The following C1orf141 variants were observed in gnomAD, a reference collection of about 807,000 sequenced individuals.
The protein encoded by C1orf141 is chromosome 1 open reading frame 141.
A neutral mutation model predicts 23.2 loss-of-function variants in C1orf141; 19 were observed. That is an observed-to-expected ratio of 0.82 (90% CI 0.57 to 1.20). C1orf141 has a LOEUF of 1.20. Ranked by LOEUF, C1orf141 falls within the 50% of genes most tolerant of loss-of-function variation. The pLI is 0.00. For synonymous variants in C1orf141, 153 were observed against 154.6 expected, an observed-to-expected ratio of 0.99 and a Z score of 0.08; for missense variants, 469 against 455.1, an observed-to-expected ratio of 1.03 and a Z score of -0.28.
At chr1:67,119,953 G>C (rs1309139617) in intron 4 of C1orf141, among the ~76,000 whole-genome samples, 1 of 152,166 alleles carries the variant, frequency 6.6e-6, no homozygotes, top group Non-Finnish European at 1.5e-5. Context: ...ATTTCAAAGG[G>C]TAAGACCCCT....
chr1:67,111,281 T>C (rs965860943), intron 5 of C1orf141, among the ~76,000 whole-genome samples: 1 of 152,106 alleles, frequency 6.6e-6, no homozygotes, highest in Non-Finnish European at 1.5e-5. Flanking sequence ...GATGTTTAAG[T>C]TTTACATGTA....
At chr1:67,097,979 C>T (rs1000897485) in intron 5 of C1orf141, among the ~76,000 whole-genome samples, 1 of 152,166 alleles carries the variant, frequency 6.6e-6, no homozygotes, top group African/African-American at 2.4e-5. Flanking sequence ...AAAATCACTC[C>T]TTTCCATTGC....
At chr1:67,106,024 T>C (rs565926746) in intron 5 of C1orf141, among the ~76,000 whole-genome samples, 4 of 152,300 alleles carry the variant, frequency 2.6e-5, no homozygotes, top group African/African-American at 9.6e-5. Flanking sequence ...GGTTAACCCC[T>C]AAACCATGCA....
intron 2 of C1orf141, among the ~76,000 whole-genome samples, chr1:67,130,821 A>G (rs1646502840): frequency 1.3e-5 from 2 of 152,228 alleles, no homozygotes; most frequent in South Asian, 4.1e-4. Context: ...ATATTTTGAA[A>G]CTAATACAAT....
intron 1 of C1orf141, among the ~76,000 whole-genome samples, chr1:67,131,536 C>T (rs1367103360): frequency 6.6e-6 from 1 of 152,200 alleles, no homozygotes; most frequent in Non-Finnish European, 1.5e-5. Context: ...AATACCCAAA[C>T]TCTTCAGATG....
chr1:67,120,353 T>G (rs926742022), intron 4 of C1orf141, among the ~76,000 whole-genome samples: 1 of 152,276 alleles, frequency 6.6e-6, no homozygotes, highest in East Asian at 1.9e-4. Flanking sequence ...AGTTGAGAGT[T>G]TGGACTTTAG....
chr1:67,138,582 C>T (rs555603569), upstream of C1orf141, among the ~76,000 whole-genome samples: 1 of 152,080 alleles, frequency 6.6e-6, no homozygotes, highest in Non-Finnish European at 1.5e-5. Flanking sequence ...ACATTCCCTT[C>T]CAAATTCAGT....
chr1:67,137,336 G>A (rs1400576728), upstream of C1orf141, among the ~76,000 whole-genome samples: 2 of 152,170 alleles, frequency 1.3e-5, no homozygotes, highest in Admixed American at 6.5e-5. Context: ...AATAACAAAT[G>A]TGGAGCTTTT....
chr1:67,113,862 A>G (rs1646132913), intron 5 of C1orf141: 3 of 409,792 alleles, frequency 7.3e-6, no homozygotes, highest in South Asian at 5.8e-5. Flanking sequence ...AAAAGGCTAG[A>G]TTGAATATTT....
intron 5 of C1orf141, among the ~76,000 whole-genome samples, chr1:67,112,272 C>T (rs10732838): frequency 0.78 from 119,072 of 152,128 alleles, 46,980 homozygotes; most frequent in East Asian, 0.91. Context: ...AAATTTAATA[C>T]GGAGTCTGGT....
chr1:67,118,235 C>T (rs1345350445), intron 4 of C1orf141, among the ~76,000 whole-genome samples: 1 of 152,062 alleles, frequency 6.6e-6, no homozygotes, highest in Admixed American at 6.6e-5. Flanking sequence ...CTACAAAGAT[C>T]CACCAATACT....
intron 3 of C1orf141, 99 bp downstream of exon 3, chr1:67,127,067 A>G (rs1570731256): frequency 1.1e-5 from 8 of 713,620 alleles, no homozygotes; most frequent in Non-Finnish European, 1.8e-5. Context: ...ATTAGTTTAT[A>G]TCATATTAAT....
At chr1:67,100,631 G>A (rs1388504729) in intron 5 of C1orf141, among the ~76,000 whole-genome samples, 2 of 152,032 alleles carry the variant, frequency 1.3e-5, no homozygotes, top group African/African-American at 4.8e-5. Flanking sequence ...ACCTCTCTTT[G>A]CTAAGGAATT....
At chr1:67,125,024 G>A (rs1329723830) in intron 4 of C1orf141, among the ~76,000 whole-genome samples, 3 of 152,104 alleles carry the variant, frequency 2.0e-5, no homozygotes, top group African/African-American at 7.2e-5. Context: ...AAATTTTATA[G>A]CATTATGCAA....
chr1:67,098,163 A>G (rs1002506016), intron 5 of C1orf141, among the ~76,000 whole-genome samples: 2 of 152,184 alleles, frequency 1.3e-5, no homozygotes, highest in African/African-American at 4.8e-5. Context: ...ACTTCTGGAA[A>G]GGAAAGAGTG....
chr1:67,100,100 TA>T (rs2102423453), intron 5 of C1orf141, among the ~76,000 whole-genome samples: 1 of 152,314 alleles, frequency 6.6e-6, no homozygotes, highest in Admixed American at 6.5e-5. Flanking sequence ...CATTGATAAA[TA>T]TATGCACTCA....
chr1:67,136,793 A>G (rs1646589578), upstream of C1orf141, among the ~76,000 whole-genome samples: 1 of 152,210 alleles, frequency 6.6e-6, no homozygotes, highest in South Asian at 2.1e-4. Flanking sequence ...GCATCTTATA[A>G]TTAGTAATAC....
At position 67,095,244 on chromosome 1, in the gene C1orf141, A is replaced by T; in HGVS notation, c.594T>A (p.Thr198=). 6.4e-7 allele frequency: 1 copy of T among 1,561,410 alleles called. No homozygotes were observed. The highest frequency in any genetic ancestry group is 8.7e-7 in the Non-Finnish European group (1 of 1,146,072). Residue 198 remains threonine (T), a synonymous_variant, in exon 7 of 8, where the codon ACT becomes ACA. Coordinates refer to ENST00000684719, the MANE Select transcript of C1orf141 (RefSeq NM_001276351.2). ...IVNVSPTKTV[T]SHMEQKDTNP... The stretch of plus-strand genomic sequence containing the variant: ...ATGATATGCTTATTACCATGTGAGA[A>T]GTTACTGTCTTTGTTGGACTAACGT...
chr1:67,109,407 G>A (rs1048070927), intron 5 of C1orf141, among the ~76,000 whole-genome samples: 1 of 150,822 alleles, frequency 6.6e-6, no homozygotes, highest in Non-Finnish European at 1.5e-5. Context: ...GCAAAGGAAT[G>A]GAATGACAAT....
Sources: allele counts gnomAD v4.1 joint callset (sites outside exome capture counted in the v4.1 genomes callset), GRCh38; gene constraint gnomAD v4.1.1; transcripts MANE v1.5; gene names NCBI Gene and HGNC (gene_info 2026-07-23, HGNC 2026-07-21).